The following FABP6 variants were observed in gnomAD, a reference collection of about 807,000 sequenced individuals.
FABP6 encodes the protein gastrotropin.
Under a neutral mutation model 14.9 loss-of-function variants are expected in FABP6, and 13 were observed. The ratio of observed to expected loss-of-function variants is 0.87; its 90% CI spans 0.57 to 1.39. FABP6 has a LOEUF of 1.39. Among genes scored for constraint, FABP6 ranks in the 40% most tolerant of loss-of-function variants. The probability of loss-of-function intolerance (pLI) is 0.00; values close to 1 mark genes in which losing one functional copy is unlikely to be tolerated. For missense variants in FABP6, 161 were observed against 167.2 expected (o/e 0.96, Z 0.20); for synonymous variants, 75 against 63.6 (o/e 1.18, Z -0.85).
chr5:160,214,792 A>AAAAG (rs372578232), intron 3 of FABP6, among the ~76,000 whole-genome samples: 3,359 of 140,304 alleles, frequency 0.024, 116 homozygotes, highest in African/African-American at 0.08. Context: ...TGTCTCTATA[A>AAAAG]AAAGAAAGAA....
intron 1 of FABP6, among the ~76,000 whole-genome samples, chr5:160,189,977 TA>T (rs971581331): frequency 3.3e-5 from 5 of 152,154 alleles, no homozygotes; most frequent in Non-Finnish European, 7.3e-5. Context: ...GCATAGGAGA[TA>T]AAAATGACAT....
upstream of FABP6, chr5:160,229,326 G>C: frequency 2.2e-6 from 2 of 929,722 alleles, no homozygotes; most frequent in South Asian, 4.6e-5. Context: ...TGCTGGCAAT[G>C]GGGTGACAGC....
At chr5:160,211,781 C>T (rs1050558691) in intron 2 of FABP6, among the ~76,000 whole-genome samples, 1 of 152,132 alleles carries the variant, frequency 6.6e-6, no homozygotes, top group African/African-American at 2.4e-5. Context: ...GTGTCTGCTA[C>T]TTAGATCTGT....
intron 1 of FABP6, among the ~76,000 whole-genome samples, chr5:160,193,994 G>T (rs981396822): frequency 6.6e-6 from 1 of 152,232 alleles, no homozygotes; most frequent in Non-Finnish European, 1.5e-5. Context: ...CCACGGAGGC[G>T]GGGGAAGGCT....
Position 160,233,890 on chromosome 5 carries a change from AAAG to A in FABP6, c.244-926_244-924del, listed in dbSNP as rs554083363. On this transcript the variant is annotated intron_variant, in intron 2 of 3. Transcript: ENST00000402432. ...CCGTCTCAAAAAAAGAAAAAAAAAA[AAAG>A]AAGTGAAGAAACCGAGGCTCAGGGA... 1.2e-4 allele frequency among the ~76,000 whole-genome samples: 19 copies of A among 152,028 alleles called. No homozygotes were observed. In the East Asian group the frequency reaches 3.7e-3, roughly 29 times the overall value.
intron 2 of FABP6, among the ~76,000 whole-genome samples, chr5:160,202,384 T>C (rs557030567): frequency 2.6e-5 from 4 of 152,310 alleles, no homozygotes; most frequent in African/African-American, 9.6e-5. Flanking sequence ...CAATACCCCA[T>C]GTACCCACAG....
chr5:160,219,360 G>C (rs1760083304), intron 3 of FABP6, among the ~76,000 whole-genome samples: 1 of 152,180 alleles, frequency 6.6e-6, no homozygotes, highest in Non-Finnish European at 1.5e-5. Context: ...TTAGCCTTGG[G>C]CTCTTCTTTA....
chr5:160,193,411 G>C (rs551870215), intron 1 of FABP6, among the ~76,000 whole-genome samples: 49 of 152,210 alleles, frequency 3.2e-4, no homozygotes, highest in African/African-American at 1.2e-3. Context: ...AAAAGAACAA[G>C]GCTTCCACAG....
intron 3 of FABP6, among the ~76,000 whole-genome samples, chr5:160,214,976 A>G (rs957746502): frequency 2.0e-5 from 3 of 152,168 alleles, no homozygotes; most frequent in Non-Finnish European, 2.9e-5. Flanking sequence ...AGAGGTCACT[A>G]TCCTCCACTA....
intron 2 of FABP6, among the ~76,000 whole-genome samples, chr5:160,201,917 C>A (rs1298337455): frequency 1.3e-5 from 2 of 152,194 alleles, no homozygotes; most frequent in East Asian, 3.8e-4. Flanking sequence ...TGCACACCAC[C>A]ACACCCAGCT....
upstream of FABP6, among the ~76,000 whole-genome samples, chr5:160,225,765 G>T (rs1039366031): frequency 9.2e-5 from 14 of 152,230 alleles, no homozygotes; most frequent in African/African-American, 2.6e-4. Flanking sequence ...AAGAAAAATA[G>T]AATACAATAT....
In FABP6 at chr5:160,231,322, TG is replaced by T. The variant is rs1760375966; in HGVS notation, c.68-773del. ...CGGTCATTAAATTTCAGTGAAATACTGGGAAGTCCCTTTCCCATTCTGGGTG... is the reference window on the plus strand; with the variant it reads ...CGGTCATTAAATTTCAGTGAAATACTGGAAGTCCCTTTCCCATTCTGGGTG... On this transcript the variant is annotated intron_variant, in intron 1 of 3. Coordinates refer to ENST00000402432, the MANE Select transcript of FABP6 (RefSeq NM_001445.3). Among the ~76,000 whole-genome samples the T allele has an allele frequency of 4.6e-5, 7 of 152,352 alleles. No homozygotes were observed. In the South Asian group the frequency reaches 1.4e-3, roughly 32 times the overall value.
At chr5:160,229,877 T>C in intron 1 of FABP6, among the ~76,000 whole-genome samples, 1 of 78,880 alleles carries the variant, frequency 1.3e-5, no homozygotes, top group East Asian at 5.0e-4. Context: ...TTTTATTTTA[T>C]TTTATTTTAT....
intron 3 of FABP6, among the ~76,000 whole-genome samples, chr5:160,222,880 T>C (rs1716279123): frequency 1.3e-5 from 2 of 152,344 alleles, no homozygotes; most frequent in Middle Eastern, 3.4e-3. Context: ...CTTAAGTTTG[T>C]AGTCCCATCC....
Position 160,232,197 on chromosome 5 carries a change from G to T in FABP6, c.167G>T (p.Gly56Val), listed in dbSNP as rs144539948. 54 of 1,613,416 alleles carry T rather than the reference G, an allele frequency of 3.3e-5. No homozygotes were observed. The Middle Eastern group carries it at 8.2e-4, about 25-fold the overall frequency. The change falls in exon 2 of 4, where the codon GGG becomes GTG. Residue 56 changes from glycine (G) to valine (V), a missense_variant. Transcript: ENST00000402432. ...QDFTWSQHYS[G>V]GHTMTNKFTV... is the part of the protein sequence containing the mutation. ...TTCACTTGGTCCCAGCACTACTCCGGGGGCCACACCATGACCAACAAGTTC... is the reference window on the plus strand; with the variant it reads ...TTCACTTGGTCCCAGCACTACTCCGTGGGCCACACCATGACCAACAAGTTC...
At chr5:160,207,868 T>C (rs55743107) in intron 2 of FABP6, among the ~76,000 whole-genome samples, 124,085 of 151,816 alleles carry the variant, frequency 0.82, 51,140 homozygotes, top group Non-Finnish European at 0.85. Context: ...GGATTACAGG[T>C]GCCTGCCACC....
intron 3 of FABP6, among the ~76,000 whole-genome samples, chr5:160,219,772 G>A (rs1760093016): frequency 6.6e-6 from 1 of 152,160 alleles, no homozygotes; most frequent in Non-Finnish European, 1.5e-5. Flanking sequence ...GGTCCTTCTT[G>A]CCCACATCCC....
intron 1 of FABP6, among the ~76,000 whole-genome samples, chr5:160,192,755 C>T (rs192028110): frequency 6.6e-6 from 1 of 152,372 alleles, no homozygotes; most frequent in East Asian, 1.9e-4. Context: ...CCAGGTTCTA[C>T]TGAAAGGCCG....
exon 3 of FABP6, chr5:160,213,807 A>G (rs868093665): frequency 6.2e-7 from 1 of 1,613,736 alleles, no homozygotes. Context: ...TGAAACAGAC[A>G]CATAAAGGAA....
Sources: gnomAD v4.1 joint callset for allele counts (sites outside exome capture counted in the v4.1 genomes callset) on GRCh38, gnomAD v4.1.1 for gene constraint, MANE v1.5 for transcripts, NCBI Gene and HGNC (gene_info 2026-07-23, HGNC 2026-07-21) for gene names.